The following CCDC171 variants were observed in gnomAD, a reference collection of about 807,000 sequenced individuals.
CCDC171 encodes the protein coiled-coil domain containing 171.
CCDC171 carries 177 observed loss-of-function variants against 168.2 expected under a neutral mutation model. The observed-to-expected ratio is 1.05, with a 90% CI of 0.93 to 1.19. The LOEUF (loss-of-function observed/expected upper bound fraction) is 1.19, where lower values mean the gene tolerates loss of function less well. CCDC171 is among the 50% of genes most tolerant of loss of function. The pLI, the probability that CCDC171 is intolerant of heterozygous loss-of-function variation, is 0.00. For missense variants in CCDC171, 1,991 were observed against 1,539.0 expected (o/e 1.29, Z -4.91); for synonymous variants, 687 against 540.8 (o/e 1.27, Z -3.75).
chr9:15,645,060 C>T (rs913297751), intron 7 of CCDC171, among the ~76,000 whole-genome samples: 2 of 152,230 alleles, frequency 1.3e-5, no homozygotes, highest in African/African-American at 4.8e-5. Flanking sequence ...GAGGAACGAT[C>T]AGGCAGCAAC....
the CCDC171 span, among the ~76,000 whole-genome samples, chr9:16,084,540 C>A: frequency 6.6e-6 from 1 of 152,150 alleles, no homozygotes; most frequent in Non-Finnish European, 1.5e-5. Context: ...CCCAGCATTG[C>A]CAATTAGAAA....
chr9:15,668,280 A>G (rs1376925419), intron 9 of CCDC171, among the ~76,000 whole-genome samples: 1 of 152,186 alleles, frequency 6.6e-6, no homozygotes, highest in Non-Finnish European at 1.5e-5. Context: ...GAGGAATTTT[A>G]ACCTACTTGC....
In CCDC171 at chr9:15,563,980, C is replaced by T. The variant is rs1194887130; in HGVS notation, c.-109C>T. ...TGTATCATTTACTATTTTAACAGAC[C>T]TCAAATCATCTAACGTGAAGCCACA... On this transcript the variant is annotated splice_region_variant and 5_prime_UTR_variant, in exon 2 of 26. Coordinates refer to ENST00000380701, the MANE Select transcript of CCDC171 (RefSeq NM_173550.4). The T allele has an allele frequency of 2.5e-6, 2 of 789,128 alleles. No homozygotes were observed. Among genetic ancestry groups the T allele is most frequent in the Non-Finnish European group, 4.3e-6 (2 of 466,002 alleles). The allele number at this position is 789,128 out of a possible 1,614,324, so 48.9% of individuals were successfully genotyped here. A position where few individuals can be genotyped will look rare whatever the true frequency, so the allele number is the denominator to read the frequency against.
the CCDC171 span, among the ~76,000 whole-genome samples, chr9:16,093,604 C>T: frequency 6.6e-6 from 1 of 152,288 alleles, no homozygotes; most frequent in Admixed American, 6.5e-5. Flanking sequence ...ATTTCTGTGC[C>T]TCTTCTCTCT....
intron 24 of CCDC171, 149 bp downstream of exon 24, chr9:15,874,812 T>A: frequency 1.4e-6 from 1 of 726,696 alleles, no homozygotes; most frequent in Non-Finnish European, 2.0e-6. Context: ...CATGTAACAG[T>A]ATACTTTACA....
At chr9:15,983,480 TTGTGTGTGTGTGTG>T (rs56910418) in intron 3 of CCDC171, among the ~76,000 whole-genome samples, 1 of 144,002 alleles carries the variant, frequency 6.9e-6, no homozygotes, top group Non-Finnish European at 1.5e-5. Context: ...TTGTGATCAG[TTGTGTGTGTGTGTG>T]TGTGTGTGTG....
chr9:16,047,314 T>C (rs1833677469), intron 1 of CCDC171, among the ~76,000 whole-genome samples: 1 of 152,186 alleles, frequency 6.6e-6, no homozygotes, highest in South Asian at 2.1e-4. Flanking sequence ...CATCTATCTA[T>C]GCAGCTGCCC....
At chr9:15,709,090 T>C (rs72706685) in intron 11 of CCDC171, among the ~76,000 whole-genome samples, 156 of 152,188 alleles carry the variant, frequency 1.0e-3, no homozygotes, top group African/African-American at 6.5e-4. Context: ...ACCATGGAAA[T>C]TGGAATAAAA....
chr9:15,673,568 G>A (rs1379564588), intron 9 of CCDC171, among the ~76,000 whole-genome samples: 1 of 152,056 alleles, frequency 6.6e-6, no homozygotes, highest in Non-Finnish European at 1.5e-5. Flanking sequence ...GGGCTATTGA[G>A]TTCTGTCAAA....
chr9:16,103,085 C>T, the CCDC171 span, among the ~76,000 whole-genome samples: 59 of 152,242 alleles, frequency 3.9e-4, no homozygotes, highest in Non-Finnish European at 1.5e-4. Flanking sequence ...AGGCCCCCCT[C>T]CCACCCTTTT....
intron 3 of CCDC171, among the ~76,000 whole-genome samples, chr9:16,013,087 T>C (rs1031262181): frequency 6.6e-6 from 1 of 152,180 alleles, no homozygotes; most frequent in Non-Finnish European, 1.5e-5. Flanking sequence ...CCCAACTCTC[T>C]TCCTTCACAA....
intron 23 of CCDC171, among the ~76,000 whole-genome samples, chr9:15,871,735 C>T (rs1288378161): frequency 6.6e-6 from 1 of 151,898 alleles, no homozygotes; most frequent in South Asian, 2.1e-4. Context: ...TCCCTGTTGA[C>T]ACCTTGAAAT....
intron 21 of CCDC171, among the ~76,000 whole-genome samples, chr9:15,809,494 ATGTTTGGACG>A (rs1414109399): frequency 2.0e-5 from 3 of 151,664 alleles, no homozygotes; most frequent in Admixed American, 6.6e-5. Context: ...ATTCCTTCTG[ATGTTTGGACG>A]TGTTTGGAGT....
At chr9:16,063,061 T>C (rs1564141039), downstream of CCDC171, among the ~76,000 whole-genome samples, 2 of 151,982 alleles carry the variant, frequency 1.3e-5, no homozygotes, top group Non-Finnish European at 2.9e-5. Context: ...TACCACAGAG[T>C]TGGCGCTCGG....
chr9:16,043,204 A>C (rs1002031546), intron 1 of CCDC171, among the ~76,000 whole-genome samples: 1 of 152,218 alleles, frequency 6.6e-6, no homozygotes. Context: ...TATTATTTGC[A>C]AATGTTTATT....
At chr9:15,575,669 A>G (rs888649016) in intron 3 of CCDC171, among the ~76,000 whole-genome samples, 3 of 152,222 alleles carry the variant, frequency 2.0e-5, no homozygotes, top group African/African-American at 7.2e-5. Flanking sequence ...CCTCTAACTG[A>G]TATTAAGCAT....
chr9:15,579,231 C>T (rs2040925302), intron 4 of CCDC171, among the ~76,000 whole-genome samples: 1 of 152,132 alleles, frequency 6.6e-6, no homozygotes, highest in African/African-American at 2.4e-5. Context: ...TTTTTTTATG[C>T]TGTGCATATA....
intron 25 of CCDC171, among the ~76,000 whole-genome samples, chr9:15,947,193 A>G (rs888936821): frequency 4.6e-5 from 7 of 152,016 alleles, no homozygotes; most frequent in African/African-American, 9.7e-5. Context: ...TTAGAAAATT[A>G]TAGTTGCATA....
At chr9:15,636,915 ATTT>A (rs907464951) in intron 7 of CCDC171, among the ~76,000 whole-genome samples, 1 of 151,122 alleles carries the variant, frequency 6.6e-6, no homozygotes, top group Admixed American at 6.6e-5. Flanking sequence ...GTAATAACGA[ATTT>A]TTTTTTGTTT....
Sources: gnomAD v4.1 joint callset for allele counts (sites outside exome capture counted in the v4.1 genomes callset) on GRCh38, gnomAD v4.1.1 for gene constraint, MANE v1.5 for transcripts, NCBI Gene and HGNC (gene_info 2026-07-23, HGNC 2026-07-21) for gene names.